Variants in PREX2 observed in about 807,000 individuals in gnomAD.
PREX2 encodes the protein phosphatidylinositol-3,4,5-trisphosphate dependent Rac exchange factor 2, also known as phosphatidylinositol 3,4,5-trisphosphate-dependent Rac exchanger 2 protein.
A neutral mutation model predicts 203.2 loss-of-function variants in PREX2; 107 were observed. The observed-to-expected ratio is 0.53, with a 90% CI of 0.45 to 0.62. The LOEUF (loss-of-function observed/expected upper bound fraction) is 0.62. PREX2 is among the 20% of genes least tolerant of loss of function. The pLI is 0.00. For synonymous variants in PREX2, 672 were observed against 663.6 expected, an observed-to-expected ratio of 1.01 and a Z score of -0.19; for missense variants, 1,777 against 1,955.9, an observed-to-expected ratio of 0.91 and a Z score of 1.72.
Position 68,027,253 on chromosome 8 carries a change from C to G in PREX2, c.473C>G (p.Thr158Arg). ...ATGCTGCTTGGAGGACGGAAGAACA[C>G]AGATGTTCCCTTGGAAGGATATTTA... Reference protein sequence around the residue: ...NCMLLGGRKNTDVPLEGYLVT... With the variant: ...NCMLLGGRKNRDVPLEGYLVT... The change falls in exon 5 of 40, where the codon ACA becomes AGA. Residue 158 changes from threonine to arginine, a missense_variant. Coordinates refer to ENST00000288368, the MANE Select transcript of PREX2 (RefSeq NM_024870.4). The G allele has an allele frequency of 6.2e-7, 1 of 1,612,078 alleles. No individual in the cohort carries two copies. The highest frequency in any genetic ancestry group is 8.5e-7 in the Non-Finnish European group (1 of 1,178,436).
At chr8:68,212,966 A>G (rs1294894971) in intron 37 of PREX2, among the ~76,000 whole-genome samples, 1 of 152,148 alleles carries the variant, frequency 6.6e-6, no homozygotes, top group Admixed American at 6.6e-5. Flanking sequence ...CCTCCAAAAC[A>G]TATATATTTC....
intron 35 of PREX2, among the ~76,000 whole-genome samples, chr8:68,166,025 G>C (rs988696509): frequency 2.0e-5 from 3 of 152,176 alleles, no homozygotes; most frequent in African/African-American, 7.2e-5. Flanking sequence ...CCAAACCTCT[G>C]CTATAGACAG....
chr8:68,087,739 A>G lies in PREX2; in HGVS notation c.2043A>G (p.Pro681=), dbSNP rs1333601787. ...ATTGATTTAGGACAGTGAAAATTCC[A>G]GATTCAGCTGATGGACTTGGCTTCC... ...STKPRETVKI[P]DSADGLGFQI... Residue 681 remains proline, a synonymous_variant, in exon 19 of 40, where the codon CCA becomes CCG. Transcript: ENST00000288368. 1 of 1,613,280 alleles carries G rather than the reference A, an allele frequency of 6.2e-7. No homozygotes were observed.
Position 68,072,558 on chromosome 8 carries a change from G to T in PREX2, c.1557G>T (p.Trp519Cys). The change falls in exon 14 of 40, where the codon TGG becomes TGT. Residue 519 changes from tryptophan to cysteine, a missense_variant. Coordinates refer to ENST00000288368, the MANE Select transcript of PREX2 (RefSeq NM_024870.4). ...TCATGGCCAACAAACTGATAGACTG[G>T]TTAATTGCACAGGTAAATAGACAAA... ...SVVMANKLID[W>C]LIAQGDCRTR... is the part of the protein sequence containing the mutation. 1 of 1,581,540 alleles carries T rather than the reference G, an allele frequency of 6.3e-7. No homozygotes were observed. Among genetic ancestry groups the T allele is most frequent in the Non-Finnish European group, 8.7e-7 (1 of 1,151,222 alleles).
At chr8:68,208,759 A>C (rs1228773816) in intron 37 of PREX2, among the ~76,000 whole-genome samples, 2 of 152,116 alleles carry the variant, frequency 1.3e-5, no homozygotes, top group Non-Finnish European at 2.9e-5. Context: ...TGGAGTGCAT[A>C]AAATCACATG....
intron 20 of PREX2, among the ~76,000 whole-genome samples, chr8:68,092,675 C>A (rs1306835539): frequency 6.6e-6 from 1 of 152,068 alleles, no homozygotes; most frequent in Non-Finnish European, 1.5e-5. Flanking sequence ...TGAATGATGT[C>A]CTTCCAATTT....
chr8:68,040,503 C>T (rs1037205591), intron 7 of PREX2, among the ~76,000 whole-genome samples: 1 of 152,118 alleles, frequency 6.6e-6, no homozygotes, highest in Non-Finnish European at 1.5e-5. Flanking sequence ...CTTCTCAGGG[C>T]CTTTGTACTG....
intron 35 of PREX2, among the ~76,000 whole-genome samples, chr8:68,177,813 G>A (rs1466732026): frequency 1.3e-5 from 2 of 151,964 alleles, no homozygotes; most frequent in Non-Finnish European, 2.9e-5. Flanking sequence ...AGGCTCCAAT[G>A]TGTGTTGTTC....
At chr8:68,086,866 A>G (rs1480086617) in intron 18 of PREX2, among the ~76,000 whole-genome samples, 1 of 152,052 alleles carries the variant, frequency 6.6e-6, no homozygotes, top group Non-Finnish European at 1.5e-5. Context: ...CATTTTCTTA[A>G]AATATTTTGA....
chr8:68,190,145 T>G (rs1459149839), intron 35 of PREX2, among the ~76,000 whole-genome samples: 1 of 152,214 alleles, frequency 6.6e-6, no homozygotes, highest in Non-Finnish European at 1.5e-5. Context: ...TACTGTGAAT[T>G]TGATAATAAT....
At chr8:68,007,699 T>C (rs1807135957) in intron 1 of PREX2, among the ~76,000 whole-genome samples, 1 of 152,194 alleles carries the variant, frequency 6.6e-6, no homozygotes. Context: ...AAGCTCCGCC[T>C]CCTAGGTTCA....
chr8:68,103,692 A>G (rs1324132779), intron 23 of PREX2: 2 of 519,344 alleles, frequency 3.9e-6, no homozygotes, highest in African/African-American at 3.9e-5. Flanking sequence ...CTATCCTGAT[A>G]GCATTCCTTG....
chr8:68,152,638 G>A (rs1273435387), intron 34 of PREX2, among the ~76,000 whole-genome samples: 1 of 152,112 alleles, frequency 6.6e-6, no homozygotes, highest in Non-Finnish European at 1.5e-5. Context: ...AAGAGAGGGG[G>A]AACAAACCAT....
intron 35 of PREX2, among the ~76,000 whole-genome samples, chr8:68,168,498 A>G (rs1359360279): frequency 1.3e-5 from 2 of 152,210 alleles, no homozygotes; most frequent in African/African-American, 2.4e-5. Flanking sequence ...TAAATGTACA[A>G]TCTCCAGTAC....
chr8:68,077,407 G>A lies in PREX2; in HGVS notation c.1580G>A (p.Arg527His), dbSNP rs767992923. 9.3e-6 allele frequency: 15 copies of A among 1,612,854 alleles called. No homozygotes were observed. In the East Asian group the frequency reaches 1.1e-4, roughly 12 times the overall value. The change falls in exon 15 of 40, where the codon CGC (arginine) becomes CAC (histidine). Residue 527 changes from arginine to histidine, a missense_variant. Physicochemically the swap from Arg to His is conservative, Grantham distance 29 (BLOSUM62 0). Coordinates refer to ENST00000288368, the MANE Select transcript of PREX2 (RefSeq NM_024870.4). The stretch of plus-strand genomic sequence containing the variant: ...TTTTTTGGTTAACAGGGAGATTGCC[G>A]CACCAGAGAAGAGGCAATGATATTT... ...IDWLIAQGDC[R>H]TREEAMIFGV...
chr8:68,151,478 A>C (rs1020464183), intron 34 of PREX2, among the ~76,000 whole-genome samples: 1 of 152,118 alleles, frequency 6.6e-6, no homozygotes, highest in African/African-American at 2.4e-5. Flanking sequence ...GGACTTTGTC[A>C]TCTCTTTTTG....
chr8:68,116,809 G>T (rs991204947), intron 26 of PREX2, among the ~76,000 whole-genome samples: 3 of 152,094 alleles, frequency 2.0e-5, no homozygotes, highest in African/African-American at 7.2e-5. Context: ...TCAAACATAT[G>T]AATTTTATTG....
At chr8:68,100,234 G>C (rs780184785) in intron 23 of PREX2, 2 of 450,802 alleles carry the variant, frequency 4.4e-6, no homozygotes, top group African/African-American at 4.0e-5. Context: ...AAAGTACATA[G>C]ACTGTGGGCT....
intron 30 of PREX2, among the ~76,000 whole-genome samples, chr8:68,121,922 T>C (rs956919870): frequency 1.3e-5 from 2 of 152,180 alleles, no homozygotes; most frequent in Non-Finnish European, 2.9e-5. Flanking sequence ...ACACAATAAA[T>C]ACTATTCCTG....
Sources: gnomAD v4.1 joint callset for allele counts (sites outside exome capture counted in the v4.1 genomes callset) on GRCh38, gnomAD v4.1.1 for gene constraint, MANE v1.5 for transcripts, NCBI Gene and HGNC (gene_info 2026-07-23, HGNC 2026-07-21) for gene names.